The following CAMTA1 variants were observed in gnomAD, a reference collection of about 807,000 sequenced individuals.
CAMTA1 encodes the protein calmodulin-binding transcription activator 1.
A neutral mutation model predicts 170.9 loss-of-function variants in CAMTA1; 27 were observed. The ratio of observed to expected loss-of-function variants is 0.16; its 90% CI spans 0.12 to 0.22. The LOEUF (loss-of-function observed/expected upper bound fraction) is 0.22, where lower values mean the gene tolerates loss of function less well. Among genes scored for constraint, CAMTA1 ranks in the 10% least tolerant of loss-of-function variants. The pLI is 1.00. For missense variants in CAMTA1, 1,619 were observed against 2,217.2 expected (o/e 0.73, Z 5.42); for synonymous variants, 833 against 891.5 (o/e 0.93, Z 1.17).
chr1:6,989,625 G>A (rs561599940), intron 3 of CAMTA1, among the ~76,000 whole-genome samples: 5 of 152,226 alleles, frequency 3.3e-5, no homozygotes, highest in South Asian at 2.1e-4. Context: ...CTCTTCATTT[G>A]GGTGGATGCC....
rs768308099 is a variant in CAMTA1, at chr1:7,634,590, G to A, written c.511-5810G>A. ...AAGGAGGGAGAGAGGGAAAGAGGGA[G>A]AAAGAGAGCGAGAGAGAGGGAGGCC... On this transcript the variant is annotated intron_variant, in intron 6 of 22. Coordinates refer to ENST00000303635, the MANE Select transcript of CAMTA1 (RefSeq NM_015215.4). The surrounding 1 kb of genome is among the most constrained non-coding windows in gnomAD (Gnocchi z 6.2). 3.4e-4 allele frequency among the ~76,000 whole-genome samples: 51 copies of A among 151,760 alleles called. No individual in the cohort carries two copies. Among genetic ancestry groups the A allele is most frequent in the Non-Finnish European group, 5.9e-4 (40 of 67,934 alleles).
At chr1:7,544,387 T>C (rs2150127669) in intron 6 of CAMTA1, among the ~76,000 whole-genome samples, 1 of 152,236 alleles carries the variant, frequency 6.6e-6, no homozygotes. Context: ...AAGATGAGAT[T>C]TGGGTGGGGA....
At chr1:7,501,181 C>A (rs1390671597) in intron 6 of CAMTA1, among the ~76,000 whole-genome samples, 5 of 152,128 alleles carry the variant, frequency 3.3e-5, no homozygotes, top group Admixed American at 3.3e-4. Flanking sequence ...TCCAGGGAGG[C>A]TCTCCCTGGA....
At chr1:7,661,526 G>A (rs972777760) in intron 7 of CAMTA1, among the ~76,000 whole-genome samples, 200 bp from the exon 8 acceptor site, 3 of 152,148 alleles carry the variant, frequency 2.0e-5, no homozygotes, top group South Asian at 2.1e-4. Context: ...CAGAACCCCC[G>A]ATGGGAGCAG....
intron 6 of CAMTA1, among the ~76,000 whole-genome samples, chr1:7,614,308 C>T (rs1215464609): frequency 6.6e-6 from 1 of 151,998 alleles, no homozygotes. Context: ...GGAGCTCTGG[C>T]GTGGAGCTTC....
rs542003779 is a variant in CAMTA1 at position 7,401,987 on chromosome 1, C to T, written c.439-65843C>T. On this transcript the variant is annotated intron_variant, in intron 5 of 22. Transcript: ENST00000303635. Reference sequence around the variant, plus strand: ...CACCTTAAAGGAGTGAGTCACCAGCCTCTCTTGCAGTAGTTTTCCTCTCCC... The same window carrying T: ...CACCTTAAAGGAGTGAGTCACCAGCTTCTCTTGCAGTAGTTTTCCTCTCCC... Among the ~76,000 whole-genome samples, 10 of 152,288 alleles carry T rather than the reference C, an allele frequency of 6.6e-5. No homozygotes were observed. The South Asian group carries it at 1.9e-3, about 28-fold the overall frequency.
intron 11 of CAMTA1, among the ~76,000 whole-genome samples, chr1:7,717,211 C>G (rs1358600767): frequency 6.6e-6 from 1 of 152,030 alleles, no homozygotes; most frequent in African/African-American, 2.4e-5. Flanking sequence ...AGCCTGGTGA[C>G]TCGAGTTCAT....
intron 5 of CAMTA1, among the ~76,000 whole-genome samples, chr1:7,404,364 C>T (rs545801700): frequency 3.3e-5 from 5 of 152,360 alleles, no homozygotes; most frequent in East Asian, 1.9e-4. Flanking sequence ...CACCCTATTC[C>T]GTACAATTCT....
intron 6 of CAMTA1, among the ~76,000 whole-genome samples, chr1:7,549,151 G>A (rs555044916): frequency 6.7e-6 from 1 of 148,218 alleles, no homozygotes; most frequent in South Asian, 2.2e-4. Flanking sequence ...TGTCCCTTAG[G>A]GGCGGAGGTG....
intron 5 of CAMTA1, among the ~76,000 whole-genome samples, chr1:7,328,284 G>C (rs2082815121): frequency 6.6e-6 from 1 of 152,142 alleles, no homozygotes; most frequent in African/African-American, 2.4e-5. Flanking sequence ...ATTGAGCTCA[G>C]GAGTTTGAGA....
intron 3 of CAMTA1, among the ~76,000 whole-genome samples, chr1:6,862,095 T>C (rs1021346149): frequency 6.6e-5 from 10 of 152,064 alleles, no homozygotes; most frequent in Admixed American, 2.0e-4. Context: ...CCTGAGTAGC[T>C]GGGATTACAG....
At chr1:6,981,151 A>G (rs747291526) in intron 3 of CAMTA1, among the ~76,000 whole-genome samples, 12 of 152,214 alleles carry the variant, frequency 7.9e-5, no homozygotes, top group African/African-American at 1.4e-4. Flanking sequence ...AATAAGGGCA[A>G]TAGATGATGT....
intron 5 of CAMTA1, among the ~76,000 whole-genome samples, chr1:7,316,763 G>A (rs1677574180): frequency 6.6e-6 from 1 of 152,144 alleles, no homozygotes; most frequent in African/African-American, 2.4e-5. Flanking sequence ...CTCAGGAGGG[G>A]AGGGTGGCCG....
At chr1:6,813,136 A>G (rs1645379551) in intron 1 of CAMTA1, among the ~76,000 whole-genome samples, 1 of 152,216 alleles carries the variant, frequency 6.6e-6, no homozygotes, top group African/African-American at 2.4e-5. Flanking sequence ...AACTTCTTGA[A>G]AAGTGGTAAT....
Position 7,592,315 on chromosome 1 carries a change from G to A in CAMTA1, c.511-48085G>A, listed in dbSNP as rs1003648053. 6.6e-6 allele frequency among the ~76,000 whole-genome samples: 1 copy of A among 152,162 alleles called. No individual in the cohort carries two copies. Among genetic ancestry groups the A allele is most frequent in the Non-Finnish European group, 1.5e-5 (1 of 68,044 alleles). ...CCCCTTTGTGCTAGCTCACCGGACT[G>A]GCAGCAGACAGCATCTGGTCACATC... On this transcript the variant is annotated intron_variant, in intron 6 of 22. Coordinates refer to ENST00000303635, the MANE Select transcript of CAMTA1 (RefSeq NM_015215.4). This position sits in a 1 kb window ranked among gnomAD's most constrained non-coding sequence, Gnocchi z 4.6.
chr1:7,745,245 G>A (rs1558283633), intron 17 of CAMTA1, among the ~76,000 whole-genome samples: 1 of 152,190 alleles, frequency 6.6e-6, no homozygotes, highest in Admixed American at 6.5e-5. Flanking sequence ...ATCGTGTTAA[G>A]CTGGGCGCGG....
At chr1:7,162,106 G>A (rs1647316270) in intron 4 of CAMTA1, among the ~76,000 whole-genome samples, 1 of 152,206 alleles carries the variant, frequency 6.6e-6, no homozygotes, top group Non-Finnish European at 1.5e-5. Flanking sequence ...GTTTCTTGAT[G>A]TGTTAGAGGA....
chr1:7,409,963 G>A (rs1272153858), intron 5 of CAMTA1, among the ~76,000 whole-genome samples: 2 of 152,070 alleles, frequency 1.3e-5, no homozygotes, highest in African/African-American at 4.8e-5. Context: ...TTACTGAGCA[G>A]GAAGGAGCCG....
intron 3 of CAMTA1, among the ~76,000 whole-genome samples, chr1:6,870,940 A>G (rs1476298127): frequency 6.6e-6 from 1 of 152,238 alleles, no homozygotes; most frequent in African/African-American, 2.4e-5. Flanking sequence ...ACCATTAATT[A>G]TAGTGCTTAC....
Sources: allele counts gnomAD v4.1 joint callset (sites outside exome capture counted in the v4.1 genomes callset), GRCh38; gene constraint gnomAD v4.1.1; non-coding constraint Gnocchi (gnomAD v3.1); transcripts MANE v1.5; gene names NCBI Gene and HGNC (gene_info 2026-07-23, HGNC 2026-07-21).